Variants in ZNF496 observed in about 807,000 individuals in gnomAD.
ZNF496 encodes NSD1 (nuclear receptor binding SET-domain containing 1)-interacting zinc finger protein 1.
A neutral mutation model predicts 58.9 loss-of-function variants in ZNF496; 11 were observed. That is an observed-to-expected ratio of 0.19 (90% CI 0.12 to 0.31). The LOEUF (loss-of-function observed/expected upper bound fraction) is 0.31, where lower values mean the gene tolerates loss of function less well. Among genes scored for constraint, ZNF496 ranks in the 10% least tolerant of loss-of-function variants. The pLI, the probability that ZNF496 is intolerant of heterozygous loss-of-function variation, is 1.00. For missense variants in ZNF496, 660 were observed against 783.0 expected (o/e 0.84, Z 1.88); for synonymous variants, 338 against 318.2 (o/e 1.06, Z -0.66).
Position 247,301,844 on chromosome 1 carries a change from G to A in ZNF496, c.1007-568C>T, listed in dbSNP as rs115392018. On this transcript the variant is annotated intron_variant, in intron 9 of 9. Transcript: ENST00000682384. ...GTTTACACATAAACTAAGGTGATCT[G>A]TGCCAGGAAGGAGGGCTGAAATGCT... 3.7e-3 allele frequency among the ~76,000 whole-genome samples: 562 copies of A among 152,330 alleles called. 1 individual carries two copies. Among genetic ancestry groups the A allele is most frequent in the African/African-American group, 0.013 (544 of 41,574 alleles).
chr1:247,307,676 T>C (rs1441973367), intron 9 of ZNF496: 27 of 985,258 alleles, frequency 2.7e-5, no homozygotes, highest in African/African-American at 3.5e-5. Flanking sequence ...ACAAGATGCA[T>C]GGAGCTGGGT....
intron 6 of ZNF496, chr1:247,313,549 C>G (rs979284494): frequency 6.6e-6 from 1 of 152,222 alleles, no homozygotes. Context: ...TCCTATGGTG[C>G]GCTGCTGGGC....
At chr1:247,318,090 A>G (rs1340536190) in intron 6 of ZNF496, among the ~76,000 whole-genome samples, 1 of 152,238 alleles carries the variant, frequency 6.6e-6, no homozygotes, top group African/African-American at 2.4e-5. Context: ...ACAATATGAA[A>G]TAAGAAGCTC....
In ZNF496 at chr1:247,329,143, T is replaced by A. The variant is rs201624645; in HGVS notation, c.390+46A>T. The A allele has an allele frequency of 2.0e-5, 32 of 1,612,456 alleles. No individual in the cohort carries two copies. In the Admixed American group the frequency reaches 3.7e-4, roughly 19 times the overall value. ...ACATGCATGGCCCAGCCAAAGTGTC[T>A]AAGTACCAGATCTCTACCCGTCCCA... On this transcript the variant is annotated intron_variant, in intron 4 of 9. Transcript: ENST00000682384. This position sits in a 1 kb window ranked among gnomAD's most constrained non-coding sequence, Gnocchi z 5.5.
At chr1:247,305,205 G>A (rs988799435) in intron 9 of ZNF496, among the ~76,000 whole-genome samples, 4 of 152,102 alleles carry the variant, frequency 2.6e-5, no homozygotes, top group Non-Finnish European at 5.9e-5. Context: ...AACACGGGAG[G>A]CAGAGGTTGC....
Position 247,319,945 on chromosome 1 carries a change from T to C in ZNF496, c.651+3209A>G, listed in dbSNP as rs547025574. Among the ~76,000 whole-genome samples the C allele has an allele frequency of 7.2e-5, 11 of 152,168 alleles. No homozygotes were observed. In the South Asian group the frequency reaches 1.9e-3, roughly 26 times the overall value. On this transcript the variant is annotated intron_variant, in intron 6 of 9. Transcript: ENST00000682384. ...CTCAAACAAAATAAAACAACACATA[T>C]ATACTATCTAAAAGTAACTTACTTC... is the stretch of plus-strand genomic sequence containing the variant.
intron 6 of ZNF496, chr1:247,322,780 C>T (rs758868703): frequency 4.2e-5 from 54 of 1,296,456 alleles, no homozygotes; most frequent in Middle Eastern, 2.1e-4. Flanking sequence ...ACCATTGCTG[C>T]GATGATTATT....
rs1558438277 is a variant in ZNF496, at chr1:247,308,562, CCTGGAATGG to C, written c.910_918del (p.Pro304_Gln306del). Reference sequence around the variant, plus strand: ...TCCTCACGTTTCCTTCTTTCTTCTACCTGGAATGGCTGGAGACTTGGAGAGTCTTTCCAG... The same window carrying C: ...TCCTCACGTTTCCTTCTTTCTTCTACCTGGAGACTTGGAGAGTCTTTCCAG... On this transcript the variant is annotated inframe_deletion, in exon 9 of 10. Transcript: ENST00000682384. This position sits in a 1 kb window ranked among gnomAD's most constrained non-coding sequence, Gnocchi z 4.5. The C allele has an allele frequency of 9.9e-6, 16 of 1,614,116 alleles. No homozygotes were observed. The highest frequency in any genetic ancestry group is 1.2e-5 in the Non-Finnish European group (14 of 1,179,996).
At chr1:247,331,673 C>G (rs1165163206) in intron 1 of ZNF496, 26 bp from the exon 2 acceptor site, 1 of 151,884 alleles carries the variant, frequency 6.6e-6, no homozygotes, top group African/African-American at 2.4e-5. Flanking sequence ...GTTGCTTTCT[C>G]CCCCGCCCGC....
intron 5 of ZNF496, among the ~76,000 whole-genome samples, chr1:247,328,177 T>G (rs1660198626): frequency 6.6e-6 from 1 of 152,224 alleles, no homozygotes; most frequent in Admixed American, 6.5e-5. Context: ...AAACTATGTG[T>G]AGCTGATGTT....
chr1:247,305,673 T>C (rs1659384283), intron 9 of ZNF496, among the ~76,000 whole-genome samples: 1 of 152,206 alleles, frequency 6.6e-6, no homozygotes, highest in Non-Finnish European at 1.5e-5. Context: ...GATAAAGGCA[T>C]TATTAAAAAC....
intron 7 of ZNF496, 170 bp downstream of exon 7, chr1:247,310,154 G>A (rs1659556103): frequency 6.9e-7 from 1 of 1,446,626 alleles, no homozygotes; most frequent in African/African-American, 1.4e-5. Flanking sequence ...CACACTGCCT[G>A]TAGGGCCGCT....
chr1:247,303,683 CAA>C lies in ZNF496; in HGVS notation c.1007-2409_1007-2408del, dbSNP rs1265408481. Among the ~76,000 whole-genome samples, 3 of 152,114 alleles carry C rather than the reference CAA, an allele frequency of 2.0e-5. No homozygotes were observed. In the East Asian group the frequency reaches 5.8e-4, roughly 29 times the overall value. On this transcript the variant is annotated intron_variant, in intron 9 of 9. Coordinates refer to ENST00000682384, the MANE Select transcript of ZNF496 (RefSeq NM_032752.3). Reference sequence around the variant, plus strand: ...CTGAGGAGGTATCGAAGCAAAGTGTCAAAGGCAAAGACTAGTTTTTTGCCGCT... The same window carrying C: ...CTGAGGAGGTATCGAAGCAAAGTGTCAGGCAAAGACTAGTTTTTTGCCGCT...
chr1:247,329,175 C>A lies in ZNF496; in HGVS notation c.390+14G>T. 1 of 1,613,372 alleles carries A rather than the reference C, an allele frequency of 6.2e-7. No homozygotes were observed. Among genetic ancestry groups the A allele is most frequent in the Non-Finnish European group, 8.5e-7 (1 of 1,180,028 alleles). ...CAGATCTCTACCCGTCCCAGCCCCA[C>A]CTCTTCTACTCACCCACTGCCAGGG... On this transcript the variant is annotated intron_variant, in intron 4 of 9. Transcript: ENST00000682384. The surrounding 1 kb of genome is among the most constrained non-coding windows in gnomAD (Gnocchi z 5.5).
intron 6 of ZNF496, among the ~76,000 whole-genome samples, chr1:247,314,726 G>A (rs1033659039): frequency 2.6e-5 from 4 of 152,156 alleles, no homozygotes; most frequent in African/African-American, 9.7e-5. Flanking sequence ...CCCAGGACAC[G>A]GCTGGGAAGG....
intron 6 of ZNF496, among the ~76,000 whole-genome samples, chr1:247,314,697 C>T (rs1427603553): frequency 1.3e-5 from 2 of 152,160 alleles, no homozygotes; most frequent in African/African-American, 4.8e-5. Flanking sequence ...ATGGTTTCCC[C>T]GGGTGTTGGG....
In ZNF496 at chr1:247,328,793, G is replaced by A. The variant is rs140066392; in HGVS notation, c.464C>T (p.Pro155Leu). Residue 155 changes from proline to leucine, a missense_variant, in exon 5 of 10, where the codon CCG becomes CTG. Coordinates refer to ENST00000682384, the MANE Select transcript of ZNF496 (RefSeq NM_032752.3). ...TGCAAGGTCGCTGTGGGGCTCTACC[G>A]GCAGCTGCTCCTGCTCCTGGTCCAG... ...SPLDQEQEQL[P>L]VEPHSDLAKN... The A allele has an allele frequency of 2.4e-5, 38 of 1,613,616 alleles. No individual in the cohort carries two copies. The highest frequency in any genetic ancestry group is 4.4e-5 in the South Asian group (4 of 91,026).
chr1:247,331,250 G>A (rs1428513568), intron 2 of ZNF496, among the ~76,000 whole-genome samples, 182 bp downstream of exon 2: 1 of 152,238 alleles, frequency 6.6e-6, no homozygotes, highest in Non-Finnish European at 1.5e-5. Flanking sequence ...CGTGAGTGAG[G>A]CGGAGGAGGG....
chr1:247,320,970 C>A (rs977442790), intron 6 of ZNF496, among the ~76,000 whole-genome samples: 1 of 152,088 alleles, frequency 6.6e-6, no homozygotes, highest in Non-Finnish European at 1.5e-5. Flanking sequence ...GTCAAGAGTT[C>A]GAGTTCAAGA....
Sources: allele counts gnomAD v4.1 joint callset (sites outside exome capture counted in the v4.1 genomes callset), GRCh38; gene constraint gnomAD v4.1.1; non-coding constraint Gnocchi (gnomAD v3.1); transcripts MANE v1.5; gene names NCBI Gene and HGNC (gene_info 2026-07-23, HGNC 2026-07-21).